The following NHLRC3 variants were observed in gnomAD, a reference collection of about 807,000 sequenced individuals.
NHLRC3 encodes the protein NHL repeat containing 3.
Under a neutral mutation model 32.0 loss-of-function variants are expected in NHLRC3, and 23 were observed. That is an observed-to-expected ratio of 0.72 (90% CI 0.52 to 1.02). NHLRC3 has a LOEUF of 1.02. NHLRC3 is among the 50% of genes least tolerant of loss of function. The pLI is 0.00. For synonymous variants in NHLRC3, 159 were observed against 147.9 expected (o/e 1.08, Z -0.55); for missense variants, 407 against 406.8 (o/e 1.00, Z -0.01).
intron 5 of NHLRC3, 28 bp downstream of exon 5, chr13:39,044,209 G>A: frequency 6.9e-7 from 1 of 1,450,938 alleles, no homozygotes; most frequent in Non-Finnish European, 9.7e-7. Context: ...TTGTGTCTGG[G>A]ACTTTGTGTC....
At chr13:39,041,004 T>G (rs1871447282) in intron 3 of NHLRC3, 1 of 152,214 alleles carries the variant, frequency 6.6e-6, no homozygotes, top group Non-Finnish European at 1.5e-5. Context: ...AAAGACCATT[T>G]CTTTGAGTTC....
intron 4 of NHLRC3, 36 bp from the exon 5 acceptor site, chr13:39,044,054 T>C: frequency 7.2e-7 from 1 of 1,382,456 alleles, no homozygotes; most frequent in Non-Finnish European, 1.0e-6. Context: ...AGACATTCTA[T>C]ATGTTGCTCT....
At chr13:39,039,756 T>A in intron 3 of NHLRC3, 45 bp downstream of exon 3, 1 of 1,378,998 alleles carries the variant, frequency 7.3e-7, no homozygotes, top group Non-Finnish European at 1.0e-6. Context: ...GGAAATCACA[T>A]CTTTGCACAT....
At position 39,039,697 on chromosome 13, in the gene NHLRC3, C is replaced by T. The variant is rs761635925; in HGVS notation, c.371C>T (p.Thr124Met). The part of the protein sequence containing the change: ...STLYEQSVWI[T>M]DVGSGFFGHT... ...CTATATGAACAATCCGTCTGGATCA[C>T]GGATGTAGGAAGTGGTATGTATAGT... is the stretch of plus-strand genomic sequence containing the variant. Residue 124 changes from threonine (T) to methionine (M), a missense_variant, in exon 3 of 7, where the codon ACG (threonine) becomes ATG (methionine). Transcript: ENST00000379600. 1.2e-6 allele frequency: 2 copies of T among 1,611,752 alleles called. No homozygotes were observed. The highest frequency in any genetic ancestry group is 1.1e-5 in the South Asian group (1 of 91,012).
chr13:39,043,328 T>G (rs1025160040), intron 4 of NHLRC3, among the ~76,000 whole-genome samples: 5 of 152,190 alleles, frequency 3.3e-5, no homozygotes, highest in Non-Finnish European at 7.3e-5. Context: ...TTAAACAACA[T>G]AAATTTATTC....
chr13:39,039,264 C>T lies in NHLRC3; in HGVS notation c.213C>T (p.Leu71=), dbSNP rs1396812725. 1.5e-5 allele frequency: 25 copies of T among 1,613,916 alleles called. No individual in the cohort carries two copies. The highest frequency in any genetic ancestry group is 2.0e-5 in the Non-Finnish European group (24 of 1,179,830). Residue 71 remains leucine (L), a synonymous_variant, in exon 2 of 7, where the codon CTC becomes CTT. Coordinates refer to ENST00000379600, the MANE Select transcript of NHLRC3 (RefSeq NM_001012754.4). ...GTTFCVAVDS[L]NGLVYIGQRG... ...CATTTTGTGTTGCAGTTGACTCCCT[C>T]AATGGATTGGTTTACATAGGTCAAG... is the stretch of plus-strand genomic sequence containing the variant.
chr13:39,047,641 G>T (rs772783013), intron 6 of NHLRC3, 33 bp from the exon 7 acceptor site: 5 of 1,572,242 alleles, frequency 3.2e-6, no homozygotes, highest in South Asian at 1.1e-5. Flanking sequence ...TTTTTTCACA[G>T]ACATTTATTA....
chr13:39,040,204 A>AG (rs1566032632), intron 3 of NHLRC3: 1 of 146,384 alleles, frequency 6.8e-6, no homozygotes, highest in African/African-American at 2.7e-5. Flanking sequence ...AAAAAAAAAA[A>AG]GAAAGAAATT....
At chr13:39,046,548 A>G (rs1402592074) in intron 5 of NHLRC3, among the ~76,000 whole-genome samples, 1 of 152,196 alleles carries the variant, frequency 6.6e-6, no homozygotes, top group Non-Finnish European at 1.5e-5. Context: ...AATAGCAGGT[A>G]TGGGTTTAAT....
chr13:39,044,134 G>C lies in NHLRC3; in HGVS notation c.631G>C (p.Ala211Pro). ...WLHGENGTGP[A>P]KFNIPHSVTL... is the part of the protein sequence containing the mutation. ...GCATGGAGAAAATGGGACAGGGCCT[G>C]CTAAGTTCAACATACCTCACAGTGT... The change falls in exon 5 of 7, where the codon GCT becomes CCT. Residue 211 changes from alanine (A) to proline (P), a missense_variant. Coordinates refer to ENST00000379600, the MANE Select transcript of NHLRC3 (RefSeq NM_001012754.4). 6.2e-7 allele frequency: 1 copy of C among 1,613,946 alleles called. No homozygotes were observed. Among genetic ancestry groups the C allele is most frequent in the Non-Finnish European group, 8.5e-7 (1 of 1,179,844 alleles).
rs1207000731 is a variant in NHLRC3 at position 39,042,085 on chromosome 13, G to A, written c.386-20G>A. 7.2e-7 allele frequency: 1 copy of A among 1,392,298 alleles called. No homozygotes were observed. The highest frequency in any genetic ancestry group is 1.4e-5 in the African/African-American group (1 of 70,466). 86.2% of individuals were successfully genotyped at this position (1,392,298 alleles called of 1,614,324 possible). On this transcript the variant is annotated intron_variant, in intron 3 of 6. Transcript: ENST00000379600. ...TGTATAGTGGTTTTATTTGTGAGATGTACATATCTATCTTTATAGGATTCT... is the reference window on the plus strand; with the variant it reads ...TGTATAGTGGTTTTATTTGTGAGATATACATATCTATCTTTATAGGATTCT...
At chr13:39,043,978 CA>C in intron 4 of NHLRC3, 111 bp from the exon 5 acceptor site, 1 of 768,460 alleles carries the variant, frequency 1.3e-6, no homozygotes, top group Non-Finnish European at 2.2e-6. Flanking sequence ...AAAGCATAGT[CA>C]AGTGAACCAG....
Position 39,039,197 on chromosome 13 carries a change from A to T in NHLRC3, c.146A>T (p.Asp49Val), listed in dbSNP as rs536309792. Residue 49 changes from aspartate to valine, a missense_variant, in exon 2 of 7, where the codon GAT (aspartate) becomes GTT (valine). Asp to Val is a radical substitution (Grantham distance 152). Transcript: ENST00000379600. ...ACTGAGAAAATTCTTTACCGGCTGGATGTGGGTTGGCCTAAGCACCCAGAA... is the reference window on the plus strand; with the variant it reads ...ACTGAGAAAATTCTTTACCGGCTGGTTGTGGGTTGGCCTAAGCACCCAGAA... Reference protein sequence around the residue: ...WRTEKILYRLDVGWPKHPEYF... With the variant: ...WRTEKILYRLVVGWPKHPEYF... The T allele has an allele frequency of 6.2e-7, 1 of 1,613,804 alleles. No individual in the cohort carries two copies. The highest frequency in any genetic ancestry group is 2.2e-5 in the East Asian group (1 of 44,868).
In NHLRC3 at chr13:39,038,501, C is replaced by G. The variant is rs1455339412; in HGVS notation, c.-139C>G. 1 of 714,424 alleles carries G rather than the reference C, an allele frequency of 1.4e-6. No homozygotes were observed. Among genetic ancestry groups the G allele is most frequent in the Non-Finnish European group, 2.5e-6 (1 of 395,304 alleles). 44.3% of individuals were successfully genotyped at this position (714,424 alleles called of 1,614,324 possible). On this transcript the variant is annotated 5_prime_UTR_variant, in exon 1 of 7. It adds an upstream start codon to the 5' untranslated region. Coordinates refer to ENST00000379600, the MANE Select transcript of NHLRC3 (RefSeq NM_001012754.4). ...CCTTTCGTACTCAAAGCTCGTGCAT[C>G]CAGGGAGGGGAAACCGGAGATAGGG...
chr13:39,040,864 T>C (rs1274264967), intron 3 of NHLRC3: 1 of 152,164 alleles, frequency 6.6e-6, no homozygotes. Context: ...TGATGGCCCA[T>C]TTATTTCATG....
Position 39,043,450 on chromosome 13 carries a change from G to A in NHLRC3, c.587-640G>A, listed in dbSNP as rs1483772739. On this transcript the variant is annotated intron_variant, in intron 4 of 6. Transcript: ENST00000379600. ...CTCAAGCATTCCTTGGCTTGTGGCA[G>A]CAAAACTCTGATGTCTGTCTCCATA... Among the ~76,000 whole-genome samples the A allele has an allele frequency of 9.9e-5, 15 of 152,136 alleles. 1 individual carries two copies. Among genetic ancestry groups the A allele is most frequent in the Non-Finnish European group, 2.2e-4 (15 of 68,018 alleles).
At position 39,039,738 on chromosome 13, in the gene NHLRC3, A is replaced by C. The variant is rs752154601; in HGVS notation, c.385+27A>C. ...TATGTATAGTAATATCTATTAAATT[A>C]TCTTACTGGAAATCACATCTTTGCA... On this transcript the variant is annotated intron_variant, in intron 3 of 6. Coordinates refer to ENST00000379600, the MANE Select transcript of NHLRC3 (RefSeq NM_001012754.4). 3.3e-6 allele frequency: 5 copies of C among 1,537,032 alleles called. No homozygotes were observed. The East Asian group carries it at 1.1e-4, about 35-fold the overall frequency.
Position 39,039,646 on chromosome 13 carries a change from C to T in NHLRC3, c.320C>T (p.Pro107Leu), listed in dbSNP as rs186016810. The T allele has an allele frequency of 2.4e-5, 39 of 1,612,236 alleles. No homozygotes were observed. In the East Asian group the frequency reaches 6.9e-4, roughly 29 times the overall value. ...LRAWNYTVDT[P>L]HGIFAASTLY... Reference sequence around the variant, plus strand: ...GCCTGGAATTATACAGTTGACACACCTCATGGTATATTTGCAGCCAGTACT... The same window carrying T: ...GCCTGGAATTATACAGTTGACACACTTCATGGTATATTTGCAGCCAGTACT... Residue 107 changes from proline to leucine, a missense_variant, in exon 3 of 7, where the codon CCT becomes CTT. By Grantham distance (98) the Pro-to-Leu change is moderately conservative. Transcript: ENST00000379600.
rs184319981 is a variant in NHLRC3, at chr13:39,044,081, C to A, written c.587-9C>A. 3 of 1,595,602 alleles carry A rather than the reference C, an allele frequency of 1.9e-6. No individual in the cohort carries two copies. The highest frequency in any genetic ancestry group is 2.6e-6 in the Non-Finnish European group (3 of 1,163,468). On this transcript the variant is annotated splice_polypyrimidine_tract_variant and intron_variant, in intron 4 of 6. Coordinates refer to ENST00000379600, the MANE Select transcript of NHLRC3 (RefSeq NM_001012754.4). ...TGTTGCTCTGACTATATATTTTTAC[C>A]GTTTATAGATTTCATGATCCTTTGG...
Sources: allele counts gnomAD v4.1 joint callset (sites outside exome capture counted in the v4.1 genomes callset), GRCh38; gene constraint gnomAD v4.1.1; transcripts MANE v1.5; gene names NCBI Gene and HGNC (gene_info 2026-07-23, HGNC 2026-07-21).